Variants in RAI1 observed in about 807,000 individuals in gnomAD.
RAI1 encodes retinoic acid-induced protein 1.
A neutral mutation model predicts 123.8 loss-of-function variants in RAI1; 9 were observed. That is an observed-to-expected ratio of 0.07 (90% CI 0.04 to 0.13). RAI1 has a LOEUF of 0.13. Ranked by LOEUF, RAI1 falls within the 10% of genes least tolerant of loss-of-function variation. The probability of loss-of-function intolerance (pLI) is 1.00; values close to 1 mark genes in which losing one functional copy is unlikely to be tolerated. For synonymous variants in RAI1, 1,231 were observed against 1,127.3 expected, an observed-to-expected ratio of 1.09 and a Z score of -1.84; for missense variants, 2,256 against 2,545.8, an observed-to-expected ratio of 0.89 and a Z score of 2.45.
chr17:17,778,886 G>A (rs1319128149), intron 2 of RAI1: 1 of 456,816 alleles, frequency 2.2e-6, no homozygotes, highest in Non-Finnish European at 4.4e-6. Context: ...TTCTGGAATG[G>A]TCTGCAGCAG....
intron 2 of RAI1, among the ~76,000 whole-genome samples, chr17:17,747,105 G>T (rs899831055): frequency 9.2e-5 from 14 of 152,286 alleles, no homozygotes; most frequent in African/African-American, 3.1e-4. Flanking sequence ...TTGAGTTGGG[G>T]AGAGAACCAG....
chr17:17,716,825 G>A lies in RAI1; in HGVS notation c.-148-7203G>A, dbSNP rs78891046. On this transcript the variant is annotated intron_variant, in intron 1 of 5. Transcript: ENST00000353383. Reference sequence around the variant, plus strand: ...CACCACGGCCCCGTGGGCTTAGCGTGGGGCACTGGTGGGGCTGATGTTGCC... The same window carrying A: ...CACCACGGCCCCGTGGGCTTAGCGTAGGGCACTGGTGGGGCTGATGTTGCC... Among the ~76,000 whole-genome samples the A allele has an allele frequency of 3.3e-3, 510 of 152,296 alleles. 3 individuals carry two copies. The highest frequency in any genetic ancestry group is 0.012 in the African/African-American group (488 of 41,548).
intron 2 of RAI1, among the ~76,000 whole-genome samples, chr17:17,766,641 A>C (rs2030944063): frequency 6.6e-6 from 1 of 152,224 alleles, no homozygotes; most frequent in African/African-American, 2.4e-5. Flanking sequence ...CCAGCACTGC[A>C]CTGTGCGAGG....
At chr17:17,806,195 C>G (rs1021695591) in intron 4 of RAI1, among the ~76,000 whole-genome samples, 1 of 152,162 alleles carries the variant, frequency 6.6e-6, no homozygotes, top group Non-Finnish European at 1.5e-5. Context: ...AGGAAGACTT[C>G]CAGGAGGAGG....
In RAI1 at chr17:17,810,330, G is replaced by C. The variant is rs2032712487; in HGVS notation, c.*349G>C. ...AGGGTGGGAGACGGCTTTGTCCTGG[G>C]GACACTTTCCCTCTGGAATCTCAAG... On this transcript the variant is annotated 3_prime_UTR_variant, in exon 6 of 6. Transcript: ENST00000353383. The surrounding 1 kb of genome is among the most constrained non-coding windows in gnomAD (Gnocchi z 4.6). 2.6e-6 allele frequency: 1 copy of C among 391,434 alleles called. No individual in the cohort carries two copies. Among genetic ancestry groups the C allele is most frequent in the Non-Finnish European group, 4.6e-6 (1 of 217,616 alleles). The allele number at this position is 391,434 out of a possible 1,614,324, so 24.2% of individuals were successfully genotyped here.
At chr17:17,727,797 G>C (rs1916141756) in intron 2 of RAI1, among the ~76,000 whole-genome samples, 1 of 152,168 alleles carries the variant, frequency 6.6e-6, no homozygotes, top group African/African-American at 2.4e-5. Context: ...TGGTGTGGGG[G>C]ATGGGGTGCA....
intron 2 of RAI1, among the ~76,000 whole-genome samples, chr17:17,769,377 G>T (rs2031058606): frequency 6.6e-6 from 1 of 152,342 alleles, no homozygotes; most frequent in South Asian, 2.1e-4. Context: ...GGACAGCCCG[G>T]GTCGGATCTC....
At chr17:17,687,756 G>A (rs921222633) in intron 1 of RAI1, among the ~76,000 whole-genome samples, 6 of 152,118 alleles carry the variant, frequency 3.9e-5, no homozygotes, top group East Asian at 1.9e-4. Flanking sequence ...GAGCTGGGGC[G>A]CCGTGGCTCA....
chr17:17,798,226 C>T lies in RAI1; in HGVS notation c.5278C>T (p.Pro1760Ser), dbSNP rs1198813906. 6.2e-7 allele frequency: 1 copy of T among 1,611,204 alleles called. No homozygotes were observed. Among genetic ancestry groups the T allele is most frequent in the East Asian group, 2.2e-5 (1 of 44,830 alleles). ...TAGKPPRPDGPADPAKQGPLR... is the reference protein window; with the variant it reads ...TAGKPPRPDGSADPAKQGPLR... The stretch of plus-strand genomic sequence containing the variant: ...CGGGAAGCCCCCCAGGCCTGACGGC[C>T]CAGCTGACCCGGCCAAGCAGGGCCC... The change falls in exon 3 of 6, where the codon CCA becomes TCA. Residue 1760 changes from proline to serine, a missense_variant. Coordinates refer to ENST00000353383, the MANE Select transcript of RAI1 (RefSeq NM_030665.4).
chr17:17,713,680 A>T (rs1208805412), intron 1 of RAI1, among the ~76,000 whole-genome samples: 2 of 152,226 alleles, frequency 1.3e-5, no homozygotes, highest in Non-Finnish European at 1.5e-5. Context: ...AAAGATTGTA[A>T]GGAAATATTC....
intron 2 of RAI1, among the ~76,000 whole-genome samples, chr17:17,780,574 C>A (rs1044447561): frequency 1.3e-5 from 2 of 152,170 alleles, no homozygotes; most frequent in Non-Finnish European, 2.9e-5. Context: ...TGGAATACCC[C>A]CTTCTCTTCT....
intron 2 of RAI1, among the ~76,000 whole-genome samples, chr17:17,774,255 T>A (rs1475477771): frequency 1.3e-5 from 2 of 152,204 alleles, no homozygotes; most frequent in Non-Finnish European, 2.9e-5. Flanking sequence ...ATCCCTATTT[T>A]ATGGGTGAGG....
At chr17:17,724,343 T>C (rs1251046818) in intron 2 of RAI1, among the ~76,000 whole-genome samples, 184 bp downstream of exon 2, 3 of 150,202 alleles carry the variant, frequency 2.0e-5, no homozygotes, top group African/African-American at 2.4e-5. Flanking sequence ...CGGATTTGCA[T>C]GTTTGGGGGT....
rs577547261 is a variant in RAI1, at chr17:17,800,244, C to T, written c.5565+1731C>T. Among the ~76,000 whole-genome samples, 6 of 143,286 alleles carry T rather than the reference C, an allele frequency of 4.2e-5. No individual in the cohort carries two copies. Among genetic ancestry groups the T allele is most frequent in the Admixed American group, 7.2e-5 (1 of 13,860 alleles). 94.0% of individuals were successfully genotyped at this position (143,286 alleles called of 152,430 possible). On this transcript the variant is annotated intron_variant, in intron 3 of 5. Coordinates refer to ENST00000353383, the MANE Select transcript of RAI1 (RefSeq NM_030665.4). The surrounding 1 kb of genome is among the most constrained non-coding windows in gnomAD (Gnocchi z 4.7). ...TCTCTCTCTCATTACTGGCTCCTTC[C>T]CAGCGCCTTGAAACAGGTTCAAGTC...
At chr17:17,710,523 TGGCCTTTCGGCTGTTGCTGGG>T (rs1567839531) in intron 1 of RAI1, among the ~76,000 whole-genome samples, 1 of 152,180 alleles carries the variant, frequency 6.6e-6, no homozygotes, top group Non-Finnish European at 1.5e-5. Context: ...CTGCCAGTGG[TGGCCTTTCGGCTGTTGCTGGG>T]GAAATGGCAG....
At chr17:17,746,078 C>T (rs1469653428) in intron 2 of RAI1, among the ~76,000 whole-genome samples, 5 of 151,746 alleles carry the variant, frequency 3.3e-5, no homozygotes, top group African/African-American at 9.8e-5. Flanking sequence ...CTTTCTTGGC[C>T]AGCAGATCCT....
intron 1 of RAI1, among the ~76,000 whole-genome samples, chr17:17,707,092 T>C (rs1197678266): frequency 6.6e-6 from 1 of 152,116 alleles, no homozygotes; most frequent in African/African-American, 2.4e-5. Context: ...GGCAGATCGC[T>C]TGAGTTCAGG....
chr17:17,784,039 A>C (rs531881629), intron 2 of RAI1, among the ~76,000 whole-genome samples: 1 of 151,952 alleles, frequency 6.6e-6, no homozygotes, highest in African/African-American at 2.4e-5. Context: ...CTCTCTCCTT[A>C]ATAATAAAAT....
intron 2 of RAI1, chr17:17,779,333 G>A (rs888737528): frequency 1.0e-5 from 2 of 200,608 alleles, no homozygotes; most frequent in Admixed American, 5.4e-5. Flanking sequence ...GCAGCGGGGC[G>A]GCCATCCTAG....
Sources: allele counts gnomAD v4.1 joint callset (sites outside exome capture counted in the v4.1 genomes callset), GRCh38; gene constraint gnomAD v4.1.1; non-coding constraint Gnocchi (gnomAD v3.1); transcripts MANE v1.5; gene names NCBI Gene and HGNC (gene_info 2026-07-23, HGNC 2026-07-21).